AXIN2: variants seen among roughly 807,000 people sequenced by gnomAD.
The protein encoded by AXIN2 is axin 2.
In AXIN2, 21 loss-of-function variants were observed where a neutral mutation model predicts 74.7. The ratio of observed to expected loss-of-function variants is 0.28; its 90% CI spans 0.20 to 0.40. AXIN2 has a LOEUF of 0.40. AXIN2 is among the 10% of genes least tolerant of loss of function. The pLI, the probability that AXIN2 is intolerant of heterozygous loss-of-function variation, is 1.00. For synonymous variants in AXIN2, 532 were observed against 454.9 expected (o/e 1.17, Z -2.16); for missense variants, 1,144 against 1,111.1 (o/e 1.03, Z -0.42).
At chr17:65,550,217 G>A (rs991297573) in intron 2 of AXIN2, among the ~76,000 whole-genome samples, 2 of 152,112 alleles carry the variant, frequency 1.3e-5, no homozygotes, top group Admixed American at 6.5e-5. Flanking sequence ...CTGGACAGAC[G>A]GGACAGAAAA....
intron 2 of AXIN2, among the ~76,000 whole-genome samples, chr17:65,555,316 C>A (rs2044251762): frequency 6.6e-6 from 1 of 152,130 alleles, no homozygotes; most frequent in Non-Finnish European, 1.5e-5. Context: ...AGGTACTCTG[C>A]AGAATGAGTG....
intron 3 of AXIN2, among the ~76,000 whole-genome samples, chr17:65,541,811 C>G (rs2044048024): frequency 6.6e-6 from 1 of 152,222 alleles, no homozygotes; most frequent in African/African-American, 2.4e-5. Flanking sequence ...TGGAAAGAGC[C>G]TGGAAAGTTA....
At position 65,538,220 on chromosome 17, in the gene AXIN2, G is replaced by C. The variant is rs373087123; in HGVS notation, c.1183C>G (p.Leu395Val). ...CGCATTACCTCTCGGATCTGCTGCAGGCGCTCCTCCAGGCTGTGGCGGCTC... is the reference window on the plus strand; with the variant it reads ...CGCATTACCTCTCGGATCTGCTGCACGCGCTCCTCCAGGCTGTGGCGGCTC... ...LESRHSLEER[L>V]QQIREDEERE... The change falls in exon 5 of 11, where the codon CTG (leucine) becomes GTG (valine). Residue 395 changes from leucine (L) to valine (V), a missense_variant. Physicochemically the swap from Leu to Val is conservative, Grantham distance 32 (BLOSUM62 1). Coordinates refer to ENST00000307078, the MANE Select transcript of AXIN2 (RefSeq NM_004655.4). 1.9e-6 allele frequency: 3 copies of C among 1,614,130 alleles called. No individual in the cohort carries two copies. Among genetic ancestry groups the C allele is most frequent in the African/African-American group, 2.7e-5 (2 of 74,946 alleles).
chr17:65,551,073 C>T (rs1230379933), intron 2 of AXIN2, among the ~76,000 whole-genome samples: 2 of 152,204 alleles, frequency 1.3e-5, no homozygotes, highest in Non-Finnish European at 2.9e-5. Flanking sequence ...AAAGACTAGA[C>T]TCAACATGTT....
rs945020816 is a variant in AXIN2 at position 65,528,944 on chromosome 17, CTT to C, written c.*1030_*1031del. ...ATGGCAAACAGAATGTACAGATTAA[CTT>C]AACACAAAAACCCGAACATCAAAAT... is the stretch of plus-strand genomic sequence containing the variant. On this transcript the variant is annotated 3_prime_UTR_variant, in exon 11 of 11. Transcript: ENST00000307078. 3 of 281,736 alleles carry C rather than the reference CTT, an allele frequency of 1.1e-5. No homozygotes were observed. The highest frequency in any genetic ancestry group is 6.6e-5 in the African/African-American group (3 of 45,718). 17.5% of individuals were successfully genotyped at this position (281,736 alleles called of 1,614,324 possible).
At chr17:65,541,649 G>T in intron 3 of AXIN2, 92 bp from the exon 4 acceptor site, 2 of 1,031,084 alleles carry the variant, frequency 1.9e-6, no homozygotes, top group East Asian at 2.4e-5. Context: ...TTGAGATCCC[G>T]CCGACAGGGC....
Position 65,558,163 on chromosome 17 carries a change from G to C in AXIN2, c.458C>G (p.Thr153Ser). The C allele has an allele frequency of 1.2e-6, 2 of 1,614,114 alleles. No individual in the cohort carries two copies. The highest frequency in any genetic ancestry group is 1.7e-6 in the Non-Finnish European group (2 of 1,180,032). ...SIVSKQLKPA[T>S]KTYIRDGIKK... ...GATGCCATCTCTTATGTAGGTCTTG[G>C]TGGCAGGCTTCAGCTGCTTGGAGAC... Residue 153 changes from threonine (T) to serine (S), a missense_variant, in exon 2 of 11, where the codon ACC (threonine) becomes AGC (serine). Thr to Ser is a moderately conservative substitution (Grantham distance 58). Coordinates refer to ENST00000307078, the MANE Select transcript of AXIN2 (RefSeq NM_004655.4).
At chr17:65,536,731 C>T (rs532321340) in intron 7 of AXIN2, 138 bp downstream of exon 7, 1 of 1,450,892 alleles carries the variant, frequency 6.9e-7, no homozygotes, top group Non-Finnish European at 9.6e-7. Context: ...TCTGCTCAGT[C>T]CAACGTTTAA....
intron 3 of AXIN2, among the ~76,000 whole-genome samples, chr17:65,547,650 TC>T (rs1448795915): frequency 2.0e-5 from 3 of 152,220 alleles, no homozygotes; most frequent in Non-Finnish European, 4.4e-5. Flanking sequence ...AGAAGTCTTA[TC>T]GTCTGACGTA....
chr17:65,551,270 A>G (rs906687509), intron 2 of AXIN2, among the ~76,000 whole-genome samples: 1 of 148,358 alleles, frequency 6.7e-6, no homozygotes, highest in Non-Finnish European at 1.5e-5. Flanking sequence ...GTTGAGCAGG[A>G]ATTTGAGGAG....
intron 2 of AXIN2, among the ~76,000 whole-genome samples, chr17:65,555,606 G>C (rs937076136): frequency 6.6e-6 from 1 of 152,078 alleles, no homozygotes; most frequent in African/African-American, 2.4e-5. Context: ...AGGCTTTCAT[G>C]TTTATTATTT....
intron 2 of AXIN2, among the ~76,000 whole-genome samples, chr17:65,554,324 C>T (rs183549375): frequency 2.0e-5 from 3 of 152,328 alleles, no homozygotes; most frequent in South Asian, 2.1e-4. Context: ...TAAGTCTGTG[C>T]GTTCAGGGCT....
chr17:65,553,502 A>G (rs1363834320), intron 2 of AXIN2, among the ~76,000 whole-genome samples: 1 of 152,158 alleles, frequency 6.6e-6, no homozygotes, highest in African/African-American at 2.4e-5. Flanking sequence ...CCTTCCTCCC[A>G]GCAAAAAAGA....
chr17:65,561,191 C>T (rs2044367628), intron 1 of AXIN2: 1 of 149,874 alleles, frequency 6.7e-6, no homozygotes, highest in Admixed American at 6.6e-5. Flanking sequence ...GTGGATTTAA[C>T]TGTGCACTTC....
chr17:65,558,047 T>C lies in AXIN2; in HGVS notation c.574A>G (p.Thr192Ala). 1 of 1,614,060 alleles carries C rather than the reference T, an allele frequency of 6.2e-7. No individual in the cohort carries two copies. Among genetic ancestry groups the C allele is most frequent in the South Asian group, 1.1e-5 (1 of 91,056 alleles). Residue 192 changes from threonine (T) to alanine (A), a missense_variant, in exon 2 of 11, where the codon ACT becomes GCT. Transcript: ENST00000307078. ...MEENAYQMFL[T>A]SDIYLEYVRS... ...ACATATTCGAGGTATATATCAGAAGTCAAAAACATCTGGTAGGCATTTTCC... is the reference window on the plus strand; with the variant it reads ...ACATATTCGAGGTATATATCAGAAGCCAAAAACATCTGGTAGGCATTTTCC...
rs1567753924 is a variant in AXIN2 at position 65,536,330 on chromosome 17, G to T, written c.2131C>A (p.Pro711Thr). ...TTCACTTCCACTCACCGCTGCTTTGGGGGCTTCGACACCTCAGCTAGCCTG... is the reference window on the plus strand; with the variant it reads ...TTCACTTCCACTCACCGCTGCTTTGTGGGCTTCGACACCTCAGCTAGCCTG... The part of the protein sequence containing the change: ...CRRLAEVSKP[P>T]KQRCCVASQQ... The change falls in exon 8 of 11, where the codon CCA (proline) becomes ACA (threonine). Residue 711 changes from proline (P) to threonine (T), a missense_variant. Around this residue, in one of 4 missense-constraint regions of AXIN2, gnomAD observed 1,053 missense variants for 973.5 expected, o/e 1.08. Transcript: ENST00000307078. 5 of 1,611,094 alleles carry T rather than the reference G, an allele frequency of 3.1e-6. No individual in the cohort carries two copies. Among genetic ancestry groups the T allele is most frequent in the Non-Finnish European group, 4.2e-6 (5 of 1,179,256 alleles).
At chr17:65,533,313 CCTT>C (rs1364720740) in intron 10 of AXIN2, among the ~76,000 whole-genome samples, 1 of 152,224 alleles carries the variant, frequency 6.6e-6, no homozygotes, top group Non-Finnish European at 1.5e-5. Context: ...AGGTCCAGCC[CCTT>C]CTTTGTTATG....
rs1236721857 is a variant in AXIN2, at chr17:65,536,511, G to A, written c.1950C>T (p.Arg650=). The A allele has an allele frequency of 6.2e-7, 1 of 1,613,768 alleles. No individual in the cohort carries two copies. The highest frequency in any genetic ancestry group is 1.7e-5 in the Admixed American group (1 of 60,018). Residue 650 remains arginine, a synonymous_variant, in exon 8 of 11, where the codon CGC becomes CGT. Transcript: ENST00000307078. ...TKKAYPLESA[R]SSPGERASRH... The stretch of plus-strand genomic sequence containing the variant: ...GGCTGGCTCGTTCGCCTGGAGACGA[G>A]CGGGCAGACTCCAAGGGGTAGGCCT...
intron 4 of AXIN2, 127 bp downstream of exon 4, chr17:65,541,328 C>T: frequency 1.2e-6 from 1 of 858,762 alleles, no homozygotes. Flanking sequence ...TCCCTTTGCC[C>T]TAGGGGACCT....
Sources: gnomAD v4.1 joint callset for allele counts (sites outside exome capture counted in the v4.1 genomes callset) on GRCh38, gnomAD v4.1.1 for gene constraint, gnomAD v4.1.1 regional missense constraint, MANE v1.5 for transcripts, NCBI Gene and HGNC (gene_info 2026-07-23, HGNC 2026-07-21) for gene names.